Variants in FBXL13 observed in about 807,000 individuals in gnomAD.
FBXL13 encodes the protein F-box and leucine rich repeat protein 13, also known as F-box and leucine-rich repeat protein 13.
FBXL13 carries 67 observed loss-of-function variants against 83.6 expected under a neutral mutation model. The ratio of observed to expected loss-of-function variants is 0.80; its 90% CI spans 0.66 to 0.98. FBXL13 has a LOEUF of 0.98. Among genes scored for constraint, FBXL13 ranks in the 50% least tolerant of loss-of-function variants. The pLI is 0.00. For synonymous variants in FBXL13, 272 were observed against 299.5 expected, an observed-to-expected ratio of 0.91 and a Z score of 0.95; for missense variants, 822 against 866.5, an observed-to-expected ratio of 0.95 and a Z score of 0.64.
intron 6 of FBXL13, among the ~76,000 whole-genome samples, chr7:103,016,145 A>C (rs11971929): frequency 0.011 from 1,679 of 152,302 alleles, 35 homozygotes; most frequent in African/African-American, 0.039. Context: ...TTTTTCACAG[A>C]ATTAGAAAAA....
At chr7:102,955,599 G>GT (rs563086354) in intron 8 of FBXL13, among the ~76,000 whole-genome samples, 7,035 of 148,416 alleles carry the variant, frequency 0.047, 267 homozygotes, top group South Asian at 0.13. Context: ...GAATCCAGGA[G>GT]TTTTTTTTTT....
At chr7:102,813,045 G>T (rs1391176283), downstream of FBXL13, among the ~76,000 whole-genome samples, 1 of 152,028 alleles carries the variant, frequency 6.6e-6, no homozygotes, top group Non-Finnish European at 1.5e-5. Context: ...GTTTCACCAT[G>T]TTGGCCAGGC....
At chr7:102,900,139 TTCA>T (rs750059865) in intron 11 of FBXL13, among the ~76,000 whole-genome samples, 4 of 152,234 alleles carry the variant, frequency 2.6e-5, no homozygotes, top group Non-Finnish European at 4.4e-5. Flanking sequence ...ATTGCAGCTC[TTCA>T]TCATCATTTA....
At chr7:102,830,962 G>C (rs1800559234) in intron 18 of FBXL13, among the ~76,000 whole-genome samples, 1 of 152,144 alleles carries the variant, frequency 6.6e-6, no homozygotes. Context: ...ATTAAGAGTG[G>C]AGGACTAAAA....
chr7:103,045,434 T>G (rs1024619395), intron 2 of FBXL13, among the ~76,000 whole-genome samples: 1 of 152,244 alleles, frequency 6.6e-6, no homozygotes, highest in South Asian at 2.1e-4. Flanking sequence ...TTTGAGAGAT[T>G]GACCAAAACT....
intron 8 of FBXL13, among the ~76,000 whole-genome samples, chr7:102,961,651 G>C (rs1825230541): frequency 6.6e-6 from 1 of 151,728 alleles, no homozygotes; most frequent in Non-Finnish European, 1.5e-5. Flanking sequence ...TAGACCAATG[G>C]AACAGAACAG....
At chr7:102,856,133 C>A (rs985534123) in intron 16 of FBXL13, among the ~76,000 whole-genome samples, 7 of 152,190 alleles carry the variant, frequency 4.6e-5, no homozygotes, top group African/African-American at 1.7e-4. Flanking sequence ...TATGCAACCT[C>A]ATTCTTTCAA....
At position 103,027,316 on chromosome 7, in the gene FBXL13, AAAAC is replaced by A. The variant is rs982172908; in HGVS notation, c.327+129_327+132del. ...TGTCCCAAAAAAATAAAAATAAAAA[AAAAC>A]AAGAATCCCATCAAAAGTAGATAAT... On this transcript the variant is annotated intron_variant, in intron 5 of 19. Coordinates refer to ENST00000313221, the Ensembl canonical transcript of FBXL13. 1.5e-5 allele frequency: 9 copies of A among 613,056 alleles called. No homozygotes were observed. The African/African-American group carries it at 1.7e-4, about 11-fold the overall frequency. 38.0% of individuals were successfully genotyped at this position (613,056 alleles called of 1,614,324 possible).
chr7:102,827,082 T>G (rs1799867609), intron 18 of FBXL13: 1 of 442,534 alleles, frequency 2.3e-6, no homozygotes, highest in Admixed American at 2.4e-5. Flanking sequence ...GTGACTTGCT[T>G]TGACCAAAGG....
intron 6 of FBXL13, chr7:102,988,642 C>T (rs890629757): frequency 6.6e-6 from 1 of 152,234 alleles, no homozygotes; most frequent in African/African-American, 2.4e-5. Context: ...ATTCTCTACT[C>T]CCTACTGCTC....
intron 8 of FBXL13, among the ~76,000 whole-genome samples, chr7:102,936,488 T>C (rs1232640177): frequency 6.6e-6 from 1 of 152,226 alleles, no homozygotes; most frequent in East Asian, 1.9e-4. Flanking sequence ...AAATGTAGTT[T>C]TTCTATAGCC....
rs1478942353 is a variant in FBXL13, at chr7:102,960,991, T to C, written c.724+2542A>G. On this transcript the variant is annotated intron_variant, in intron 8 of 19. Coordinates refer to ENST00000313221, the Ensembl canonical transcript of FBXL13. Reference sequence around the variant, plus strand: ...TGTTGGAAGTTCTGGCCAGGGCAATTAGGCAGGAGAAGGAAATAAAGGGTA... The same window carrying C: ...TGTTGGAAGTTCTGGCCAGGGCAATCAGGCAGGAGAAGGAAATAAAGGGTA... Among the ~76,000 whole-genome samples the C allele has an allele frequency of 6.8e-3, 1,020 of 150,462 alleles. 12 individuals are homozygous for C. The highest frequency in any genetic ancestry group is 0.024 in the African/African-American group (969 of 41,052).
chr7:103,038,476 C>T (rs956936687), intron 2 of FBXL13, among the ~76,000 whole-genome samples: 2 of 152,218 alleles, frequency 1.3e-5, no homozygotes, highest in Non-Finnish European at 1.5e-5. Flanking sequence ...CTCAGCACGG[C>T]GTTCAAGCTC....
At chr7:103,023,813 G>A (rs1000755577) in intron 6 of FBXL13, among the ~76,000 whole-genome samples, 4 of 152,178 alleles carry the variant, frequency 2.6e-5, no homozygotes, top group African/African-American at 9.6e-5. Context: ...ATGAGATCAT[G>A]TCCTTTGCAG....
At chr7:102,847,390 T>G (rs182458959) in intron 17 of FBXL13, among the ~76,000 whole-genome samples, 4 of 152,288 alleles carry the variant, frequency 2.6e-5, no homozygotes, top group Non-Finnish European at 4.4e-5. Flanking sequence ...TTCCCTAAAT[T>G]ATATTATTAC....
Position 102,941,570 on chromosome 7 carries a change from C to T in FBXL13, c.725-9637G>A, listed in dbSNP as rs182328379. Among the ~76,000 whole-genome samples, 19 of 152,224 alleles carry T rather than the reference C, an allele frequency of 1.2e-4. No homozygotes were observed. In the East Asian group the frequency reaches 3.5e-3, roughly 28 times the overall value. On this transcript the variant is annotated intron_variant, in intron 8 of 19. Coordinates refer to ENST00000313221, the Ensembl canonical transcript of FBXL13. ...CAATTCCCCTGTCTTGATAAATAGACTCTGTCTAGGCAGCGGGCAAGGTGA... is the reference window on the plus strand; with the variant it reads ...CAATTCCCCTGTCTTGATAAATAGATTCTGTCTAGGCAGCGGGCAAGGTGA...
chr7:102,973,704 C>T, intron 6 of FBXL13: 1 of 766,398 alleles, frequency 1.3e-6, no homozygotes, highest in Non-Finnish European at 2.4e-6. Context: ...AGCAGCCGGA[C>T]AAAGGAAGCT....
chr7:102,980,442 A>C (rs1360415254), intron 6 of FBXL13, among the ~76,000 whole-genome samples: 1 of 152,250 alleles, frequency 6.6e-6, no homozygotes, highest in Non-Finnish European at 1.5e-5. Flanking sequence ...CTTACACCAT[A>C]TAGCAAAATG....
chr7:102,865,683 A>C (rs1807532041), intron 16 of FBXL13, among the ~76,000 whole-genome samples: 1 of 152,024 alleles, frequency 6.6e-6, no homozygotes, highest in Non-Finnish European at 1.5e-5. Flanking sequence ...CTGGGACTAC[A>C]GGCACGCGCC....
Sources: gnomAD v4.1 joint callset for allele counts (sites outside exome capture counted in the v4.1 genomes callset) on GRCh38, gnomAD v4.1.1 for gene constraint, MANE v1.5 for transcripts, NCBI Gene and HGNC (gene_info 2026-07-23, HGNC 2026-07-21) for gene names.